Variants in COL4A3 observed in about 807,000 individuals in gnomAD.
COL4A3 encodes the protein collagen type IV alpha 3 chain, also known as collagen alpha-3(IV) chain.
A neutral mutation model predicts 217.4 loss-of-function variants in COL4A3; 135 were observed. The ratio of observed to expected loss-of-function variants is 0.62; its 90% CI spans 0.54 to 0.72. COL4A3 has a LOEUF of 0.72. COL4A3 is among the 30% of genes least tolerant of loss of function. The pLI is 0.00. For missense variants in COL4A3, 1,868 were observed against 2,119.9 expected (o/e 0.88, Z 2.33); for synonymous variants, 690 against 736.3 (o/e 0.94, Z 1.02).
chr2:227,257,763 G>T, intron 18 of COL4A3, 119 bp downstream of exon 18: 1 of 950,462 alleles, frequency 1.1e-6, no homozygotes. Context: ...CATTTACCTT[G>T]TTGTCAAACC....
In COL4A3 at chr2:227,290,885, C is replaced by T. The variant is rs373628122; in HGVS notation, c.3209C>T (p.Thr1070Met). The change falls in exon 37 of 52, where the codon ACG becomes ATG. Residue 1070 changes from threonine (T) to methionine (M), a missense_variant and splice_region_variant. By Grantham distance (81) the Thr-to-Met change is moderately conservative. Transcript: ENST00000396578. ...EGTRPGPPGPTGDPGLPGDMG... is the reference protein window; with the variant it reads ...EGTRPGPPGPMGDPGLPGDMG... ...ACAAGGCCAGGACCACCGGGACCAA[C>T]GGTATATAGGCCACTGAAATATTTA... 9 of 1,610,948 alleles carry T rather than the reference C, an allele frequency of 5.6e-6. No homozygotes were observed. In the East Asian group the frequency reaches 6.7e-5, roughly 12 times the overall value.
intron 1 of COL4A3, among the ~76,000 whole-genome samples, chr2:227,203,965 G>T (rs998862205): frequency 2.6e-5 from 4 of 151,970 alleles, no homozygotes; most frequent in African/African-American, 9.7e-5. Context: ...ACCAGTACCA[G>T]GGCTTAATAA....
chr2:227,241,908 A>G (rs1331762297), intron 3 of COL4A3, among the ~76,000 whole-genome samples: 3 of 152,168 alleles, frequency 2.0e-5, no homozygotes, highest in African/African-American at 7.2e-5. Context: ...GAAAACGGAC[A>G]CAGAGCACTT....
chr2:227,231,337 T>C (rs34010470), intron 1 of COL4A3, among the ~76,000 whole-genome samples: 128,924 of 152,120 alleles, frequency 0.85, 54,767 homozygotes, highest in South Asian at 0.89. Context: ...ATGTCTGCTA[T>C]ACCAATCAGT....
At chr2:227,299,752 T>C (rs1301797505) in intron 43 of COL4A3, among the ~76,000 whole-genome samples, 1 of 152,210 alleles carries the variant, frequency 6.6e-6, no homozygotes, top group Non-Finnish European at 1.5e-5. Context: ...AGAGTTGGAA[T>C]GATTTGGCCT....
At chr2:227,227,469 A>C (rs192562141) in intron 1 of COL4A3, among the ~76,000 whole-genome samples, 7 of 152,124 alleles carry the variant, frequency 4.6e-5, no homozygotes, top group African/African-American at 1.7e-4. Context: ...CAGAGGTTGC[A>C]GTCAGCCAAT....
intron 21 of COL4A3, 83 bp from the exon 22 acceptor site, chr2:227,266,333 AT>A: frequency 9.7e-7 from 1 of 1,027,958 alleles, no homozygotes; most frequent in Non-Finnish European, 1.5e-6. Context: ...AGAGAGATGC[AT>A]TTTAAATAAT....
chr2:227,300,314 C>A (rs1181405096), intron 43 of COL4A3, among the ~76,000 whole-genome samples: 2 of 152,126 alleles, frequency 1.3e-5, no homozygotes, highest in African/African-American at 4.8e-5. Flanking sequence ...AGCCCATGGG[C>A]CTTTTCCTCA....
intron 1 of COL4A3, among the ~76,000 whole-genome samples, chr2:227,187,526 G>A (rs2066076253): frequency 6.6e-6 from 1 of 152,158 alleles, no homozygotes; most frequent in South Asian, 2.1e-4. Context: ...AAAGACCCAA[G>A]AAATTGAGTT....
chr2:227,231,924 A>G (rs1237869611), intron 1 of COL4A3, among the ~76,000 whole-genome samples: 1 of 149,422 alleles, frequency 6.7e-6, no homozygotes, highest in Non-Finnish European at 1.5e-5. Flanking sequence ...TTTTTTTTGT[A>G]CCCATTAATC....
chr2:227,294,047 T>C (rs1169796243), intron 38 of COL4A3: 5 of 290,416 alleles, frequency 1.7e-5, no homozygotes, highest in Non-Finnish European at 3.3e-5. Flanking sequence ...GCTGTGACTC[T>C]TTTTCGAACC....
In COL4A3 at chr2:227,191,310, G is replaced by T. The variant is rs917780942; in HGVS notation, c.87+26497G>T. Among the ~76,000 whole-genome samples the T allele has an allele frequency of 7.9e-5, 12 of 152,074 alleles. No homozygotes were observed. Among genetic ancestry groups the T allele is most frequent in the African/African-American group, 2.9e-4 (12 of 41,476 alleles). ...TTTTTTTTTTGTAAAGGACGCAAAAGTTTAAGACTGTTGGCATATACAAAA... is the reference window on the plus strand; with the variant it reads ...TTTTTTTTTTGTAAAGGACGCAAAATTTTAAGACTGTTGGCATATACAAAA... On this transcript the variant is annotated intron_variant, in intron 1 of 51. Transcript: ENST00000396578. This position sits in a 1 kb window ranked among gnomAD's most constrained non-coding sequence, Gnocchi z 6.8.
intron 11 of COL4A3, among the ~76,000 whole-genome samples, chr2:227,252,596 ACACACACAC>A (rs2069838760): frequency 6.6e-6 from 1 of 150,956 alleles, no homozygotes; most frequent in African/African-American, 2.5e-5. Context: ...GCACACACAC[ACACACACAC>A]ACACACACAC....
At chr2:227,180,466 GT>G (rs1428792706) in intron 1 of COL4A3, among the ~76,000 whole-genome samples, 1 of 152,204 alleles carries the variant, frequency 6.6e-6, no homozygotes, top group East Asian at 1.9e-4. Context: ...CAGAGCCCAT[GT>G]GACCTGAATG....
At chr2:227,168,092 T>C (rs1281341511) in intron 1 of COL4A3, among the ~76,000 whole-genome samples, 2 of 152,246 alleles carry the variant, frequency 1.3e-5, no homozygotes, top group Non-Finnish European at 2.9e-5. Context: ...TAGTATCTAG[T>C]TATATAAAGT....
intron 34 of COL4A3, among the ~76,000 whole-genome samples, chr2:227,287,137 TA>T (rs567972304): frequency 1.2e-3 from 187 of 152,254 alleles, no homozygotes; most frequent in African/African-American, 4.4e-3. Flanking sequence ...AACAACCTTT[TA>T]AAAATGTAAA....
intron 50 of COL4A3, among the ~76,000 whole-genome samples, chr2:227,309,951 A>C (rs2073677990): frequency 6.6e-6 from 1 of 152,100 alleles, no homozygotes; most frequent in African/African-American, 2.4e-5. Flanking sequence ...TTTATAAGAT[A>C]ACTGCTTTAC....
intron 1 of COL4A3, among the ~76,000 whole-genome samples, chr2:227,194,335 AG>A (rs2066387034): frequency 6.6e-6 from 1 of 152,162 alleles, no homozygotes; most frequent in Non-Finnish European, 1.5e-5. Flanking sequence ...GATCTAAGAA[AG>A]AGAGTGGTAT....
intron 1 of COL4A3, among the ~76,000 whole-genome samples, chr2:227,194,077 G>A (rs1205775560): frequency 1.2e-5 from 1 of 85,848 alleles, no homozygotes; most frequent in African/African-American, 4.9e-5. Context: ...GGGAAGTAAG[G>A]AGAGAGGGAG....
Sources: allele counts gnomAD v4.1 joint callset (sites outside exome capture counted in the v4.1 genomes callset), GRCh38; gene constraint gnomAD v4.1.1; non-coding constraint Gnocchi (gnomAD v3.1); transcripts MANE v1.5; gene names NCBI Gene and HGNC (gene_info 2026-07-23, HGNC 2026-07-21).